CHODL: variants seen among roughly 807,000 people sequenced by gnomAD.
CHODL encodes transmembrane protein MT75.
Under a neutral mutation model 34.5 loss-of-function variants are expected in CHODL, and 29 were observed. The ratio of observed to expected loss-of-function variants is 0.84; its 90% CI spans 0.63 to 1.15. CHODL has a LOEUF of 1.15. CHODL is among the 50% of genes most tolerant of loss of function. CHODL has a pLI of 0.00. For missense variants in CHODL, 332 were observed against 332.5 expected, an observed-to-expected ratio of 1.00 and a Z score of 0.01; for synonymous variants, 125 against 116.1, an observed-to-expected ratio of 1.08 and a Z score of -0.49.
intron 1 of CHODL, among the ~76,000 whole-genome samples, chr21:17,991,921 C>T (rs144867563): frequency 4.6e-5 from 7 of 152,122 alleles, no homozygotes; most frequent in African/African-American, 1.7e-4. Context: ...TGATGCATTT[C>T]CCCTATGTTT....
intron 1 of CHODL, among the ~76,000 whole-genome samples, chr21:17,964,862 A>G (rs377632667): frequency 3.3e-5 from 5 of 152,204 alleles, no homozygotes; most frequent in African/African-American, 1.2e-4. Flanking sequence ...TATGTGTCAC[A>G]GTGCCACAGA....
chr21:18,150,915 C>G (rs977630024), intron 2 of CHODL, among the ~76,000 whole-genome samples: 1 of 151,794 alleles, frequency 6.6e-6, no homozygotes, highest in African/African-American at 2.4e-5. Context: ...GAAACCCCGT[C>G]TCTACCAAAA....
intron 2 of CHODL, among the ~76,000 whole-genome samples, chr21:18,139,801 T>C (rs2072780046): frequency 6.6e-6 from 1 of 152,198 alleles, no homozygotes. Flanking sequence ...TTCTGTTAAT[T>C]ATATTTCTTA....
chr21:17,948,285 C>T (rs2063428331), intron 1 of CHODL, among the ~76,000 whole-genome samples: 1 of 150,558 alleles, frequency 6.6e-6, no homozygotes, highest in Non-Finnish European at 1.5e-5. Context: ...CACTTGTTCC[C>T]CTAAATCTAC....
chr21:18,023,286 G>A (rs1413480940), intron 1 of CHODL, among the ~76,000 whole-genome samples: 1 of 152,078 alleles, frequency 6.6e-6, no homozygotes, highest in Admixed American at 6.6e-5. Flanking sequence ...AGGGGAGGTG[G>A]TGTGGGGGCT....
chr21:18,175,688 G>T (rs2073299789), intron 2 of CHODL, among the ~76,000 whole-genome samples: 1 of 152,050 alleles, frequency 6.6e-6, no homozygotes. Flanking sequence ...ATGGAATACA[G>T]CTTGTAACAA....
intron 2 of CHODL, among the ~76,000 whole-genome samples, chr21:18,102,276 T>C (rs545086045): frequency 2.0e-5 from 3 of 152,304 alleles, no homozygotes; most frequent in East Asian, 3.9e-4. Context: ...CTTTTGTCAT[T>C]TCAGGATTCC....
intron 1 of CHODL, chr21:18,245,962 G>T (rs1474906904): frequency 1.3e-6 from 2 of 1,533,404 alleles, no homozygotes; most frequent in Non-Finnish European, 1.7e-6. Context: ...CTGCAGGTTC[G>T]GCACACAGTA....
intron 2 of CHODL, among the ~76,000 whole-genome samples, chr21:18,041,218 G>A (rs1040336403): frequency 2.0e-5 from 3 of 151,828 alleles, no homozygotes; most frequent in Non-Finnish European, 2.9e-5. Flanking sequence ...ACAAGGTGGC[G>A]TTATCCACAC....
chr21:17,984,203 C>T (rs158010), intron 1 of CHODL, among the ~76,000 whole-genome samples: 1 of 151,912 alleles, frequency 6.6e-6, no homozygotes, highest in Non-Finnish European at 1.5e-5. Context: ...TGGTCTTCGG[C>T]GTCATCTATG....
rs563725204 is a variant in CHODL, at chr21:18,237,427, TC to T, written c.-44-19077del. On this transcript the variant is annotated intron_variant, in intron 2 of 6. Coordinates refer to the CHODL transcript ENST00000400127. ...GTTACATGGATTACTCTTGAAAACC[TC>T]CCCCTTTGCAAGCCTGACATCCTTG... Among the ~76,000 whole-genome samples the T allele has an allele frequency of 1.3e-4, 20 of 152,158 alleles. 1 individual carries two copies. The East Asian group carries it at 3.9e-3, about 29-fold the overall frequency.
chr21:18,078,385 C>T (rs1057167922), intron 2 of CHODL, among the ~76,000 whole-genome samples: 21 of 152,084 alleles, frequency 1.4e-4, no homozygotes, highest in African/African-American at 5.1e-4. Context: ...CATGGGAAAA[C>T]CTGTCCCCAT....
chr21:18,252,613 A>G (rs1045174185), intron 1 of CHODL, among the ~76,000 whole-genome samples: 4 of 152,138 alleles, frequency 2.6e-5, no homozygotes, highest in Admixed American at 2.0e-4. Flanking sequence ...TCAGTAATAA[A>G]ATAGAATTGA....
At chr21:18,106,527 G>T (rs1204972774) in intron 2 of CHODL, among the ~76,000 whole-genome samples, 8 of 126,740 alleles carry the variant, frequency 6.3e-5, no homozygotes, top group Admixed American at 8.9e-5. Context: ...ATGGAGTCTT[G>T]CTCTGTCGCC....
intron 2 of CHODL, among the ~76,000 whole-genome samples, chr21:18,090,789 A>G (rs1041395744): frequency 6.6e-6 from 1 of 151,960 alleles, no homozygotes; most frequent in African/African-American, 2.4e-5. Flanking sequence ...GGGCACAGCA[A>G]GATGGCAGAG....
chr21:18,263,588 AT>A (rs1205532198), intron 5 of CHODL, among the ~76,000 whole-genome samples: 1 of 152,154 alleles, frequency 6.6e-6, no homozygotes, highest in African/African-American at 2.4e-5. Context: ...ATGAAAATGT[AT>A]TTCATTGTCA....
chr21:18,077,245 C>G (rs543027529), intron 2 of CHODL, among the ~76,000 whole-genome samples: 1 of 152,274 alleles, frequency 6.6e-6, no homozygotes, highest in South Asian at 2.1e-4. Flanking sequence ...ACCATTGTTT[C>G]TTGGAAATGT....
chr21:18,086,371 G>A (rs1033128375), intron 2 of CHODL, among the ~76,000 whole-genome samples: 1 of 151,778 alleles, frequency 6.6e-6, no homozygotes, highest in African/African-American at 2.4e-5. Context: ...CTTTTTAAAC[G>A]GAATATGTTG....
intron 1 of CHODL, among the ~76,000 whole-genome samples, chr21:17,936,097 T>C (rs891973483): frequency 4.6e-5 from 7 of 152,190 alleles, no homozygotes; most frequent in East Asian, 1.9e-4. Context: ...AATAGAACTT[T>C]CTTATTGTTA....
Sources: allele counts gnomAD v4.1 joint callset (sites outside exome capture counted in the v4.1 genomes callset), GRCh38; gene constraint gnomAD v4.1.1; transcripts MANE v1.5; gene names NCBI Gene and HGNC (gene_info 2026-07-23, HGNC 2026-07-21).